Variants in CHRNA5 observed in about 807,000 individuals in gnomAD.
CHRNA5 encodes cholinergic receptor nicotinic alpha 5 subunit, also known as neuronal acetylcholine receptor subunit alpha-5.
CHRNA5 carries 28 observed loss-of-function variants against 41.2 expected under a neutral mutation model. That is an observed-to-expected ratio of 0.68 (90% CI 0.50 to 0.93). The LOEUF is 0.93. Among genes scored for constraint, CHRNA5 ranks in the 40% least tolerant of loss-of-function variants. The probability of loss-of-function intolerance (pLI) is 0.00; values close to 1 mark genes in which losing one functional copy is unlikely to be tolerated. For missense variants in CHRNA5, 481 were observed against 581.9 expected, an observed-to-expected ratio of 0.83 and a Z score of 1.78; for synonymous variants, 188 against 205.8, an observed-to-expected ratio of 0.91 and a Z score of 0.74.
chr15:78,580,446 A>G (rs923207427), intron 1 of CHRNA5, among the ~76,000 whole-genome samples: 3 of 151,410 alleles, frequency 2.0e-5, no homozygotes, highest in Admixed American at 6.6e-5. Flanking sequence ...ATTTGAAACT[A>G]TTCTGTATTG....
chr15:78,569,023 T>C (rs1450425471), intron 1 of CHRNA5, among the ~76,000 whole-genome samples: 2 of 152,242 alleles, frequency 1.3e-5, no homozygotes, highest in African/African-American at 4.8e-5. Context: ...CTGTCAGTTT[T>C]ACTTTTGTTA....
At chr15:78,573,947 C>G (rs1023893321) in intron 1 of CHRNA5, among the ~76,000 whole-genome samples, 3 of 149,832 alleles carry the variant, frequency 2.0e-5, no homozygotes, top group African/African-American at 7.3e-5. Flanking sequence ...CAGGCGTGCA[C>G]CACCACGCCT....
Position 78,588,878 on chromosome 15 carries a change from T to C in CHRNA5, c.413+455T>C, listed in dbSNP as rs1044258574. ...TAGAGGCATCCTACCTAGGTGTGTT[T>C]TGAGGATTTTTTTTTTTTTAACTTA... On this transcript the variant is annotated intron_variant, in intron 4 of 5. Transcript: ENST00000299565. This position sits in a 1 kb window ranked among gnomAD's most constrained non-coding sequence, Gnocchi z 4.1. Among the ~76,000 whole-genome samples the C allele has an allele frequency of 1.5e-4, 17 of 112,302 alleles. No individual in the cohort carries two copies. The highest frequency in any genetic ancestry group is 6.0e-4 in the African/African-American group (17 of 28,368). 73.7% of individuals were successfully genotyped at this position (112,302 alleles called of 152,430 possible). A position where few individuals can be genotyped will look rare whatever the true frequency, so the allele number is the denominator to read the frequency against.
chr15:78,574,329 G>A (rs1231046868), intron 1 of CHRNA5, among the ~76,000 whole-genome samples: 35 of 147,760 alleles, frequency 2.4e-4, no homozygotes, highest in African/African-American at 8.2e-4. Flanking sequence ...GCAGTGAGCC[G>A]AGATCGCACC....
At chr15:78,575,917 T>C (rs1032933362) in intron 1 of CHRNA5, among the ~76,000 whole-genome samples, 5 of 152,258 alleles carry the variant, frequency 3.3e-5, no homozygotes, top group African/African-American at 1.2e-4. Context: ...TCTTTTCATA[T>C]GCTTACTGGC....
At chr15:78,576,872 T>C (rs2052863221) in intron 1 of CHRNA5, among the ~76,000 whole-genome samples, 1 of 151,818 alleles carries the variant, frequency 6.6e-6, no homozygotes, top group Admixed American at 6.6e-5. Flanking sequence ...GCCAAAAAAG[T>C]GTTCATTTTG....
chr15:78,574,925 A>G (rs946815885), intron 1 of CHRNA5, among the ~76,000 whole-genome samples: 9 of 150,818 alleles, frequency 6.0e-5, no homozygotes, highest in African/African-American at 2.2e-4. Context: ...GTGAGCCAAG[A>G]TCGTGCCACT....
intron 2 of CHRNA5, among the ~76,000 whole-genome samples, 171 bp downstream of exon 2, chr15:78,581,133 ACT>A (rs1054416930): frequency 6.6e-6 from 1 of 152,254 alleles, no homozygotes; most frequent in Non-Finnish European, 1.5e-5. Context: ...ATGATAACAC[ACT>A]GTGTTTATAT....
chr15:78,575,560 C>A (rs1047805510), intron 1 of CHRNA5, among the ~76,000 whole-genome samples: 3 of 152,112 alleles, frequency 2.0e-5, no homozygotes, highest in African/African-American at 7.2e-5. Flanking sequence ...TAAGAGTGCC[C>A]AATGCCACAA....
chr15:78,594,868 C>G (rs2141315617), exon 6 of CHRNA5: 2 of 152,266 alleles, frequency 1.3e-5, no homozygotes, highest in East Asian at 3.9e-4. Context: ...TAGCCTATTA[C>G]TAGTACAGCG....
chr15:78,571,045 A>C (rs1195328356), intron 1 of CHRNA5, among the ~76,000 whole-genome samples: 1 of 152,248 alleles, frequency 6.6e-6, no homozygotes, highest in Non-Finnish European at 1.5e-5. Flanking sequence ...AGATGTACAC[A>C]GGAATTCCCT....
At chr15:78,579,740 C>A (rs1197464213) in intron 1 of CHRNA5, among the ~76,000 whole-genome samples, 1 of 152,078 alleles carries the variant, frequency 6.6e-6, no homozygotes, top group African/African-American at 2.4e-5. Flanking sequence ...TGTTGCTAAT[C>A]CAACACTCAG....
intron 1 of CHRNA5, among the ~76,000 whole-genome samples, chr15:78,572,922 G>A (rs1198774787): frequency 6.6e-6 from 1 of 152,214 alleles, no homozygotes; most frequent in Non-Finnish European, 1.5e-5. Context: ...AGGAGAGGAG[G>A]AGGGAGAATT....
At chr15:78,573,840 G>T (rs1019733290) in intron 1 of CHRNA5, among the ~76,000 whole-genome samples, 3 of 150,850 alleles carry the variant, frequency 2.0e-5, no homozygotes, top group African/African-American at 7.3e-5. Context: ...ACCCAGTCTG[G>T]AGTGCAGTGG....
At chr15:78,592,972 T>G in intron 5 of CHRNA5, 120 bp from the exon 6 acceptor site, 1 of 1,223,938 alleles carries the variant, frequency 8.2e-7, no homozygotes, top group African/African-American at 1.5e-5. Flanking sequence ...TCACTTACCG[T>G]TTAGAGGCAG....
intron 1 of CHRNA5, among the ~76,000 whole-genome samples, chr15:78,572,756 A>G (rs1319356900): frequency 2.6e-5 from 4 of 152,208 alleles, no homozygotes; most frequent in Non-Finnish European, 5.9e-5. Flanking sequence ...TGCTGGGATT[A>G]CAGGCGTGAA....
At position 78,588,747 on chromosome 15, in the gene CHRNA5, T is replaced by G. The variant is rs1329832665; in HGVS notation, c.413+324T>G. On this transcript the variant is annotated intron_variant, in intron 4 of 5. Coordinates refer to ENST00000299565, the Ensembl canonical transcript of CHRNA5. The surrounding 1 kb of genome is among the most constrained non-coding windows in gnomAD (Gnocchi z 4.1). ...TTTTTTTGTATGTTTTTTACGTCGT[T>G]GAGGTCATATTTTATGTTGAATTGT... is the stretch of plus-strand genomic sequence containing the variant. 3.3e-5 allele frequency among the ~76,000 whole-genome samples: 5 copies of G among 152,218 alleles called. No homozygotes were observed.
chr15:78,566,510 T>C (rs193105645), intron 1 of CHRNA5, among the ~76,000 whole-genome samples: 1 of 152,338 alleles, frequency 6.6e-6, no homozygotes, highest in Non-Finnish European at 1.5e-5. Flanking sequence ...GGGAAAGTTT[T>C]AGAGTCAGTT....
At chr15:78,575,759 T>A (rs999903254) in intron 1 of CHRNA5, among the ~76,000 whole-genome samples, 7 of 152,244 alleles carry the variant, frequency 4.6e-5, no homozygotes, top group Non-Finnish European at 8.8e-5. Context: ...GGTACTTTTT[T>A]AATACCTGTG....
Sources: allele counts gnomAD v4.1 joint callset (sites outside exome capture counted in the v4.1 genomes callset), GRCh38; gene constraint gnomAD v4.1.1; non-coding constraint Gnocchi (gnomAD v3.1); transcripts MANE v1.5; gene names NCBI Gene and HGNC (gene_info 2026-07-23, HGNC 2026-07-21).